SYT1: variants seen among roughly 807,000 people sequenced by gnomAD.
SYT1 encodes the protein synaptotagmin 1.
In SYT1, 8 loss-of-function variants were observed where a neutral mutation model predicts 44.8. The ratio of observed to expected loss-of-function variants is 0.18; its 90% confidence interval spans 0.10 to 0.32. The LOEUF (loss-of-function observed/expected upper bound fraction) is 0.32. SYT1 is among the 10% of genes least tolerant of loss of function. The pLI is 1.00. For missense variants in SYT1, 286 were observed against 509.3 expected, an observed-to-expected ratio of 0.56 and a Z score of 4.22; for synonymous variants, 154 against 188.8, an observed-to-expected ratio of 0.82 and a Z score of 1.51.
At chr12:79,194,640 T>G (rs949704733) in intron 3 of SYT1, among the ~76,000 whole-genome samples, 1 of 152,038 alleles carries the variant, frequency 6.6e-6, no homozygotes, top group African/African-American at 2.4e-5. Context: ...GGACCCACTT[T>G]GAGAACCACT....
At chr12:78,902,237 T>C (rs1388568906) in intron 1 of SYT1, among the ~76,000 whole-genome samples, 1 of 151,826 alleles carries the variant, frequency 6.6e-6, no homozygotes, top group Non-Finnish European at 1.5e-5. Flanking sequence ...ATGCTGATCA[T>C]ATAATCGCAA....
At chr12:79,222,462 A>G (rs1156540885) in intron 4 of SYT1, among the ~76,000 whole-genome samples, 2 of 151,128 alleles carry the variant, frequency 1.3e-5, no homozygotes, top group African/African-American at 2.4e-5. Flanking sequence ...CCTCACTGCA[A>G]CCTCCACCTC....
At chr12:79,339,390 T>C (rs564223522) in intron 8 of SYT1, among the ~76,000 whole-genome samples, 5 of 152,386 alleles carry the variant, frequency 3.3e-5, no homozygotes, top group African/African-American at 7.2e-5. Flanking sequence ...TATCTCATTG[T>C]GGTTTTGATT....
chr12:79,313,431 T>A (rs1368043088), intron 8 of SYT1, among the ~76,000 whole-genome samples: 1 of 152,196 alleles, frequency 6.6e-6, no homozygotes, highest in East Asian at 1.9e-4. Flanking sequence ...CTTTTATACA[T>A]TTGTAACAGA....
intron 3 of SYT1, among the ~76,000 whole-genome samples, chr12:79,137,326 C>A (rs974646927): frequency 1.3e-5 from 2 of 152,074 alleles, no homozygotes; most frequent in African/African-American, 4.8e-5. Flanking sequence ...GAACTCCTGG[C>A]CTCAGGTGAT....
At chr12:78,930,896 C>T (rs1344441995) in intron 1 of SYT1, among the ~76,000 whole-genome samples, 1 of 151,848 alleles carries the variant, frequency 6.6e-6, no homozygotes, top group East Asian at 1.9e-4. Flanking sequence ...TTCCATAAGG[C>T]TGTCAGGAGG....
At chr12:79,249,822 C>G (rs1029028792) in intron 4 of SYT1, among the ~76,000 whole-genome samples, 1 of 152,012 alleles carries the variant, frequency 6.6e-6, no homozygotes, top group South Asian at 2.1e-4. Context: ...GAGAATGAAG[C>G]CTGTTTTAGA....
chr12:79,141,246 A>C (rs942209940), intron 3 of SYT1, among the ~76,000 whole-genome samples: 3 of 152,078 alleles, frequency 2.0e-5, no homozygotes, highest in African/African-American at 7.2e-5. Context: ...TTGGTACATT[A>C]ATATTGTCTG....
intron 1 of SYT1, among the ~76,000 whole-genome samples, chr12:78,973,634 C>G (rs549954006): frequency 6.6e-6 from 1 of 151,954 alleles, no homozygotes; most frequent in Non-Finnish European, 1.5e-5. Flanking sequence ...CAACCAGGAA[C>G]ACATTTTGTT....
chr12:79,058,690 C>G (rs1875146497), intron 3 of SYT1, among the ~76,000 whole-genome samples: 1 of 151,996 alleles, frequency 6.6e-6, no homozygotes, highest in Non-Finnish European at 1.5e-5. Flanking sequence ...TTTAAATAAA[C>G]AAATAACTTA....
chr12:79,364,564 C>G (rs1471703555), intron 9 of SYT1, among the ~76,000 whole-genome samples: 2 of 152,082 alleles, frequency 1.3e-5, no homozygotes, highest in Non-Finnish European at 2.9e-5. Context: ...GACTGGACAA[C>G]TAGGAGGCTT....
chr12:78,952,967 C>T (rs1312008725), intron 1 of SYT1, among the ~76,000 whole-genome samples: 3 of 151,914 alleles, frequency 2.0e-5, no homozygotes, highest in African/African-American at 7.3e-5. Flanking sequence ...ATGAGAAAAC[C>T]AAGAGGGCAA....
At chr12:79,079,110 G>T (rs559186610) in intron 3 of SYT1, among the ~76,000 whole-genome samples, 17 of 152,234 alleles carry the variant, frequency 1.1e-4, no homozygotes, top group African/African-American at 3.9e-4. Context: ...TATAACTAAA[G>T]AATGAATAGA....
chr12:78,966,978 G>C (rs1395485231), intron 1 of SYT1, among the ~76,000 whole-genome samples: 1 of 152,014 alleles, frequency 6.6e-6, no homozygotes, highest in Non-Finnish European at 1.5e-5. Context: ...TAAAATATTA[G>C]ATAATATTTG....
chr12:79,092,328 A>G (rs571538976), intron 3 of SYT1, among the ~76,000 whole-genome samples: 1 of 151,974 alleles, frequency 6.6e-6, no homozygotes, highest in East Asian at 1.9e-4. Flanking sequence ...ATTGTGTCCT[A>G]TTAGAAAGAG....
At chr12:79,102,252 C>T (rs1878484789) in intron 3 of SYT1, among the ~76,000 whole-genome samples, 2 of 149,344 alleles carry the variant, frequency 1.3e-5, no homozygotes, top group South Asian at 4.3e-4. Context: ...CCCTCTCTTT[C>T]CTTCTCTCTC....
chr12:79,352,377 C>T (rs1882945462), intron 8 of SYT1, among the ~76,000 whole-genome samples: 1 of 152,022 alleles, frequency 6.6e-6, no homozygotes, highest in African/African-American at 2.4e-5. Flanking sequence ...GTAGCTCATT[C>T]CTATGTTAAA....
At chr12:79,062,454 G>T (rs1395471804) in intron 3 of SYT1, among the ~76,000 whole-genome samples, 1 of 152,186 alleles carries the variant, frequency 6.6e-6, no homozygotes, top group Admixed American at 6.6e-5. Flanking sequence ...GAGCCATGGG[G>T]TGGTGAGTGC....
intron 9 of SYT1, among the ~76,000 whole-genome samples, chr12:79,367,735 T>C (rs938583178): frequency 7.9e-5 from 12 of 151,978 alleles, no homozygotes; most frequent in African/African-American, 2.4e-4. Flanking sequence ...TCTCCTTAAA[T>C]CAGATGAATT....
Sources: gnomAD v4.1 joint callset for allele counts (sites outside exome capture counted in the v4.1 genomes callset) on GRCh38, gnomAD v4.1.1 for gene constraint, MANE v1.5 for transcripts, NCBI Gene and HGNC (gene_info 2026-07-23, HGNC 2026-07-21) for gene names.